Variants in SLC66A1 observed in about 807,000 individuals in gnomAD.
SLC66A1 encodes lysosomal amino acid transporter 1 homolog.
Under a neutral mutation model 33.0 loss-of-function variants are expected in SLC66A1, and 23 were observed. The ratio of observed to expected loss-of-function variants is 0.70; its 90% confidence interval spans 0.50 to 0.99. The LOEUF (loss-of-function observed/expected upper bound fraction) is 0.99, where lower values mean the gene tolerates loss of function less well. Among genes scored for constraint, SLC66A1 ranks in the 50% least tolerant of loss-of-function variants. SLC66A1 has a pLI of 0.00. For missense variants in SLC66A1, 335 were observed against 383.6 expected (o/e 0.87, Z 1.06); for synonymous variants, 164 against 175.5 (o/e 0.93, Z 0.52).
At chr1:19,320,582 T>G (rs965006042) in intron 2 of SLC66A1, among the ~76,000 whole-genome samples, 2 of 149,926 alleles carry the variant, frequency 1.3e-5, no homozygotes, top group Non-Finnish European at 3.0e-5. Context: ...CCTGGCTAAT[T>G]TTTTGTATTT....
chr1:19,328,701 G>A lies in SLC66A1; in HGVS notation c.*58G>A, dbSNP rs559776038. On this transcript the variant is annotated 3_prime_UTR_variant, in exon 8 of 8. Coordinates refer to ENST00000375153, the MANE Select transcript of SLC66A1 (RefSeq NM_001040125.2). This position sits in a 1 kb window ranked among gnomAD's most constrained non-coding sequence, Gnocchi z 4.7. ...CCACCGGATGCCACACCAGGCAGGA[G>A]GAGGTGTGGACAGTGATGGTACGGC... is the stretch of plus-strand genomic sequence containing the variant. 2 of 1,569,900 alleles carry A rather than the reference G, an allele frequency of 1.3e-6. No individual in the cohort carries two copies. Among genetic ancestry groups the A allele is most frequent in the South Asian group, 2.3e-5 (2 of 88,626 alleles).
chr1:19,333,457 C>G (rs1396540163), downstream of SLC66A1, among the ~76,000 whole-genome samples: 1 of 152,088 alleles, frequency 6.6e-6, no homozygotes, highest in Non-Finnish European at 1.5e-5. The surrounding 1 kb of genome is among the most constrained non-coding windows in gnomAD (Gnocchi z 4.2). Flanking sequence ...TGCTGGGATT[C>G]CAGGGTTTTG....
intron 1 of SLC66A1, among the ~76,000 whole-genome samples, chr1:19,315,302 C>T (rs1339624716): frequency 6.6e-6 from 1 of 152,228 alleles, no homozygotes; most frequent in Non-Finnish European, 1.5e-5. Context: ...GCTGATGGTC[C>T]CCCAGGTGGG....
downstream of SLC66A1, among the ~76,000 whole-genome samples, chr1:19,330,213 G>T (rs1201389641): frequency 1.3e-5 from 2 of 152,028 alleles, no homozygotes; most frequent in Non-Finnish European, 2.9e-5. Context: ...TCCCCACCTT[G>T]TTGGCCTGAT....
At chr1:19,317,518 C>A in intron 1 of SLC66A1, 82 bp from the exon 2 acceptor site, 1 of 1,416,846 alleles carries the variant, frequency 7.1e-7, no homozygotes, top group African/African-American at 1.4e-5. Context: ...CGTGAAAAGG[C>A]TGGGATGAGC....
intron 2 of SLC66A1, among the ~76,000 whole-genome samples, chr1:19,320,488 ACTGCAAGCT>A (rs1366028695): frequency 7.4e-6 from 1 of 135,518 alleles, no homozygotes; most frequent in Non-Finnish European, 1.5e-5. Flanking sequence ...ATCTCGGCTC[ACTGCAAGCT>A]CTGCCTTCCG....
At chr1:19,315,055 G>A (rs992759936) in intron 1 of SLC66A1, among the ~76,000 whole-genome samples, 1 of 152,040 alleles carries the variant, frequency 6.6e-6, no homozygotes, top group Admixed American at 6.6e-5. Context: ...TTACAGGCAC[G>A]CACCCACCAC....
chr1:19,328,861 A>T lies in SLC66A1; in HGVS notation c.*218A>T. 1.7e-6 allele frequency: 1 copy of T among 595,788 alleles called. No homozygotes were observed. Among genetic ancestry groups the T allele is most frequent in the Non-Finnish European group, 3.0e-6 (1 of 335,810 alleles). 36.9% of individuals were successfully genotyped at this position (595,788 alleles called of 1,614,324 possible). ...GAGACCCCAGGGCCTCTCAGGAGAC[A>T]GTGAGGCTGCCCCTCCTACCACCTA... On this transcript the variant is annotated 3_prime_UTR_variant, in exon 8 of 8. Coordinates refer to ENST00000375153, the MANE Select transcript of SLC66A1 (RefSeq NM_001040125.2). This position sits in a 1 kb window ranked among gnomAD's most constrained non-coding sequence, Gnocchi z 4.7.
intron 2 of SLC66A1, among the ~76,000 whole-genome samples, chr1:19,318,231 G>A (rs2093815928): frequency 6.6e-6 from 1 of 152,180 alleles, no homozygotes; most frequent in South Asian, 2.1e-4. Flanking sequence ...CACACAGCTG[G>A]TCAGAGATGG....
downstream of SLC66A1, among the ~76,000 whole-genome samples, chr1:19,332,160 T>C (rs2093894298): frequency 6.6e-6 from 1 of 152,202 alleles, no homozygotes; most frequent in South Asian, 2.1e-4. Flanking sequence ...CCTGGAGCCC[T>C]GTTGAAGGAG....
rs971711862 is a variant in SLC66A1, at chr1:19,325,479, C to T, written c.295-16C>T. The T allele has an allele frequency of 1.3e-5, 20 of 1,576,910 alleles. No individual in the cohort carries two copies. The highest frequency in any genetic ancestry group is 9.5e-5 in the African/African-American group (7 of 73,970). On this transcript the variant is annotated splice_polypyrimidine_tract_variant and intron_variant, in intron 3 of 7. Transcript: ENST00000375153. ...TGGGACTGCGCCAACCCCTGGGCCC[C>T]CTGCATCTCTTACAGACCTACACGG...
chr1:19,317,673 C>T lies in SLC66A1; in HGVS notation c.-5C>T. The T allele has an allele frequency of 5.0e-6, 8 of 1,613,808 alleles. No homozygotes were observed. Among genetic ancestry groups the T allele is most frequent in the Non-Finnish European group, 6.8e-6 (8 of 1,179,784 alleles). On this transcript the variant is annotated 5_prime_UTR_variant, in exon 2 of 8. Transcript: ENST00000375153. ...TGCCTGGCCGGGGGCCCCTCCTCCA[C>T]AGCCATGGTCTGGAAGAAACTGGGC...
intron 6 of SLC66A1, 97 bp from the exon 7 acceptor site, chr1:19,327,130 G>A (rs908637439): frequency 3.3e-6 from 4 of 1,226,770 alleles, no homozygotes; most frequent in Admixed American, 1.9e-5. Flanking sequence ...CTCAGAGCAG[G>A]TGCACTGTGG....
At chr1:19,316,728 G>A (rs893799933) in intron 1 of SLC66A1, among the ~76,000 whole-genome samples, 1 of 151,722 alleles carries the variant, frequency 6.6e-6, no homozygotes, top group Non-Finnish European at 1.5e-5. Flanking sequence ...GTGCATTGGT[G>A]TGATCATGGC....
chr1:19,314,716 A>G (rs774499277), intron 1 of SLC66A1, among the ~76,000 whole-genome samples: 10 of 152,200 alleles, frequency 6.6e-5, no homozygotes, highest in Non-Finnish European at 7.3e-5. Flanking sequence ...TGAGCACAGT[A>G]TACCCAACCT....
intron 2 of SLC66A1, among the ~76,000 whole-genome samples, chr1:19,319,764 G>T (rs535459695): frequency 1.1e-4 from 16 of 151,246 alleles, no homozygotes; most frequent in Non-Finnish European, 2.4e-4. Context: ...TTAGCGGGGT[G>T]TGGTGGCGCG....
chr1:19,322,046 A>T (rs189039300), intron 2 of SLC66A1, among the ~76,000 whole-genome samples: 1 of 152,290 alleles, frequency 6.6e-6, no homozygotes, highest in African/African-American at 2.4e-5. Context: ...CCATTCTGGT[A>T]CCCTTGAAAA....
chr1:19,326,699 G>A (rs1380073281), intron 6 of SLC66A1, 76 bp downstream of exon 6: 16 of 1,440,808 alleles, frequency 1.1e-5, no homozygotes, highest in Non-Finnish European at 1.5e-5. Context: ...CTGGGCTAAG[G>A]AGTAGCACAG....
Position 19,328,202 on chromosome 1 carries a change from G to T in SLC66A1, c.805-370G>T. 2.5e-6 allele frequency: 1 copy of T among 395,774 alleles called. No homozygotes were observed. The highest frequency in any genetic ancestry group is 2.1e-5 in the African/African-American group (1 of 48,634). The allele number at this position is 395,774 out of a possible 1,614,324, so 24.5% of individuals were successfully genotyped here. On this transcript the variant is annotated intron_variant, in intron 7 of 7. Coordinates refer to ENST00000375153, the MANE Select transcript of SLC66A1 (RefSeq NM_001040125.2). This position sits in a 1 kb window ranked among gnomAD's most constrained non-coding sequence, Gnocchi z 4.7. ...AATATTTGTTAAGTCCCTGCCGGGC[G>T]CAGGGAGGGGTGAAAGTTTAGGCTC...
Sources: allele counts gnomAD v4.1 joint callset (sites outside exome capture counted in the v4.1 genomes callset), GRCh38; gene constraint gnomAD v4.1.1; non-coding constraint Gnocchi (gnomAD v3.1); transcripts MANE v1.5; gene names NCBI Gene and HGNC (gene_info 2026-07-23, HGNC 2026-07-21).